CEP112: variants seen among roughly 807,000 people sequenced by gnomAD.
CEP112 encodes centrosomal protein of 112 kDa.
A neutral mutation model predicts 153.0 loss-of-function variants in CEP112; 127 were observed. That is an observed-to-expected ratio of 0.83 (90% confidence interval 0.72 to 0.96). The LOEUF (loss-of-function observed/expected upper bound fraction) is 0.96, where lower values mean the gene tolerates loss of function less well. Ranked by LOEUF, CEP112 falls within the 40% of genes least tolerant of loss-of-function variation. The pLI, the probability that CEP112 is intolerant of heterozygous loss-of-function variation, is 0.00. For missense variants in CEP112, 1,089 were observed against 1,101.2 expected (o/e 0.99, Z 0.16); for synonymous variants, 358 against 374.4 (o/e 0.96, Z 0.51).
chr17:65,735,260 T>A (rs1460218729), intron 23 of CEP112, among the ~76,000 whole-genome samples: 1 of 152,222 alleles, frequency 6.6e-6, no homozygotes, highest in African/African-American at 2.4e-5. Context: ...AGAAAACATC[T>A]GCCAAATACT....
At chr17:66,099,650 C>G (rs943187107) in intron 6 of CEP112, among the ~76,000 whole-genome samples, 1 of 152,120 alleles carries the variant, frequency 6.6e-6, no homozygotes, top group Non-Finnish European at 1.5e-5. Flanking sequence ...CCCACTACCA[C>G]TTCCCACACA....
intron 6 of CEP112, among the ~76,000 whole-genome samples, chr17:66,115,502 CAT>C (rs2069249595): frequency 6.6e-6 from 1 of 152,198 alleles, no homozygotes; most frequent in Admixed American, 6.5e-5. Flanking sequence ...TTCGGATAAA[CAT>C]AGAAATGTGC....
At chr17:65,963,379 G>C (rs1349345022) in intron 17 of CEP112, among the ~76,000 whole-genome samples, 3 of 152,026 alleles carry the variant, frequency 2.0e-5, no homozygotes, top group Non-Finnish European at 4.4e-5. Context: ...TAAGACTTGG[G>C]CAAAAAGTAA....
chr17:66,067,068 T>C (rs539051815), intron 9 of CEP112, among the ~76,000 whole-genome samples, 191 bp from the exon 10 acceptor site: 1 of 151,282 alleles, frequency 6.6e-6, no homozygotes, highest in South Asian at 2.1e-4. Context: ...AAGTAGTATC[T>C]CTTATCCACA....
intron 23 of CEP112, among the ~76,000 whole-genome samples, chr17:65,723,067 C>G (rs2049981396): frequency 6.6e-6 from 1 of 152,162 alleles, no homozygotes; most frequent in Non-Finnish European, 1.5e-5. Flanking sequence ...ACAGTGTGTT[C>G]CGAAGAATAC....
At chr17:65,744,404 G>C (rs7214757) in intron 22 of CEP112, among the ~76,000 whole-genome samples, 127,372 of 152,032 alleles carry the variant, frequency 0.84, 53,906 homozygotes, top group Non-Finnish European at 0.89. Flanking sequence ...CAGGCCACCA[G>C]GCCTGGCTAA....
chr17:65,837,642 T>C (rs2146190113), intron 21 of CEP112, among the ~76,000 whole-genome samples: 1 of 152,286 alleles, frequency 6.6e-6, no homozygotes, highest in Non-Finnish European at 1.5e-5. Flanking sequence ...TTTTGTCGAA[T>C]AGAAAAGGGG....
intron 21 of CEP112, among the ~76,000 whole-genome samples, chr17:65,839,470 TA>T (rs34555952): frequency 4.8e-4 from 70 of 145,020 alleles, no homozygotes; most frequent in Admixed American, 8.9e-4. Context: ...CCTTTATGAT[TA>T]AAAAAAAAAA....
intron 21 of CEP112, among the ~76,000 whole-genome samples, chr17:65,851,012 G>C (rs1275098832): frequency 6.6e-6 from 1 of 152,194 alleles, no homozygotes; most frequent in African/African-American, 2.4e-5. Flanking sequence ...GTAATGGCTA[G>C]TATGGTATTG....
At chr17:65,711,409 T>G (rs1386456462) in intron 23 of CEP112, among the ~76,000 whole-genome samples, 1 of 152,206 alleles carries the variant, frequency 6.6e-6, no homozygotes, top group African/African-American at 2.4e-5. Flanking sequence ...CTATCTCATA[T>G]GGTGGACATG....
chr17:65,666,119 CAT>C (rs1256937478), intron 24 of CEP112, among the ~76,000 whole-genome samples: 3 of 152,252 alleles, frequency 2.0e-5, no homozygotes, highest in Non-Finnish European at 2.9e-5. Flanking sequence ...TACACAAAAT[CAT>C]ATGTTGCCAG....
chr17:65,949,817 T>G (rs180798092), intron 18 of CEP112, among the ~76,000 whole-genome samples: 1 of 152,188 alleles, frequency 6.6e-6, no homozygotes, highest in Non-Finnish European at 1.5e-5. Flanking sequence ...ATCCTCATTT[T>G]GTCTGGATAG....
chr17:65,755,606 G>T (rs971878240), intron 21 of CEP112, among the ~76,000 whole-genome samples: 9 of 151,948 alleles, frequency 5.9e-5, no homozygotes, highest in African/African-American at 2.2e-4. Context: ...AATAATCTAG[G>T]ATGGCAATAG....
intron 25 of CEP112, among the ~76,000 whole-genome samples, chr17:65,637,996 C>T (rs1203820536): frequency 6.6e-6 from 1 of 152,244 alleles, no homozygotes; most frequent in Non-Finnish European, 1.5e-5. Context: ...CAATTCCTGG[C>T]TTGCCATCTG....
chr17:65,833,112 A>G (rs2057156230), intron 21 of CEP112, among the ~76,000 whole-genome samples: 1 of 152,130 alleles, frequency 6.6e-6, no homozygotes, highest in Non-Finnish European at 1.5e-5. Flanking sequence ...AAACCACATG[A>G]TTATCTCAGT....
At chr17:66,120,684 T>C (rs2069534797) in intron 6 of CEP112, among the ~76,000 whole-genome samples, 1 of 152,122 alleles carries the variant, frequency 6.6e-6, no homozygotes, top group Non-Finnish European at 1.5e-5. Flanking sequence ...ATACTTTGAG[T>C]ATCTATAGTG....
In CEP112 at chr17:65,635,954, T is replaced by G. The variant is rs1199874462; in HGVS notation, c.*17A>C. ...AGCACAGCCTGGAAATTGCATCCGT[T>G]GCATTCTCTCGTGCAGTTACCTGTA... On this transcript the variant is annotated 3_prime_UTR_variant, in exon 27 of 27. Transcript: ENST00000535342. The G allele has an allele frequency of 1.3e-6, 2 of 1,599,664 alleles. No individual in the cohort carries two copies.
In CEP112 at chr17:65,932,320, G is replaced by A. The variant is rs367935027; in HGVS notation, c.1873-4631C>T. On this transcript the variant is annotated intron_variant, in intron 18 of 26. Transcript: ENST00000535342. ...AAAAGAGGAAGCCAATTCATCAAAC[G>A]TACAGACATGAAGGTAAGTACACAA... Among the ~76,000 whole-genome samples the A allele has an allele frequency of 2.3e-4, 35 of 152,120 alleles. 1 individual carries two copies. Among genetic ancestry groups the A allele is most frequent in the East Asian group, 1.5e-3 (8 of 5,182 alleles).
At chr17:65,890,569 G>C (rs2059426979) in intron 20 of CEP112, among the ~76,000 whole-genome samples, 1 of 152,148 alleles carries the variant, frequency 6.6e-6, no homozygotes, top group African/African-American at 2.4e-5. Flanking sequence ...TGGCAGGCCT[G>C]AAGGGTAAGT....
Sources: allele counts gnomAD v4.1 joint callset (sites outside exome capture counted in the v4.1 genomes callset), GRCh38; gene constraint gnomAD v4.1.1; transcripts MANE v1.5; gene names NCBI Gene and HGNC (gene_info 2026-07-23, HGNC 2026-07-21).